The following KLRD1 variants were observed in gnomAD, a reference collection of about 807,000 sequenced individuals.
The protein encoded by KLRD1 is natural killer cells antigen CD94.
KLRD1 carries 21 observed loss-of-function variants against 22.6 expected under a neutral mutation model. That is an observed-to-expected ratio of 0.93 (90% CI 0.66 to 1.34). KLRD1 has a LOEUF of 1.34. Among genes scored for constraint, KLRD1 ranks in the 40% most tolerant of loss-of-function variants. The pLI is 0.00. For synonymous variants in KLRD1, 59 were observed against 71.1 expected (o/e 0.83, Z 0.85); for missense variants, 183 against 208.6 (o/e 0.88, Z 0.76).
intron 1 of KLRD1, among the ~76,000 whole-genome samples, chr12:10,246,959 G>A (rs1267276035): frequency 7.4e-6 from 1 of 134,600 alleles, no homozygotes; most frequent in East Asian, 2.4e-4. Context: ...TTGAGATAGA[G>A]TCTTGCTCTG....
At chr12:10,294,060 G>A (rs949238269) in intron 1 of KLRD1, among the ~76,000 whole-genome samples, 9 of 152,306 alleles carry the variant, frequency 5.9e-5, no homozygotes, top group African/African-American at 2.2e-4. Context: ...GTACATCAAA[G>A]ATGGTAAATT....
In KLRD1 at chr12:10,320,799, C is replaced by T. The variant is rs1950305204; in HGVS notation, c.*6006C>T. 1 of 152,116 alleles carries T rather than the reference C, an allele frequency of 6.6e-6. No homozygotes were observed. The highest frequency in any genetic ancestry group is 2.4e-5 in the African/African-American group (1 of 41,434). 9.4% of individuals were successfully genotyped at this position (152,116 alleles called of 1,614,324 possible). A position where few individuals can be genotyped will look rare whatever the true frequency, so the allele number is the denominator to read the frequency against. On this transcript the variant is annotated 3_prime_UTR_variant, in exon 6 of 6. Coordinates refer to ENST00000336164, the MANE Select transcript of KLRD1 (RefSeq NM_002262.5). The stretch of plus-strand genomic sequence containing the variant: ...ATCATAGAAAGAACACAAGTAGTGC[C>T]TCAATTCAGTCAGATGAAGATCTAT...
intron 1 of KLRD1, among the ~76,000 whole-genome samples, chr12:10,271,302 A>G (rs551953710): frequency 3.7e-4 from 57 of 152,276 alleles, no homozygotes; most frequent in African/African-American, 1.3e-3. Flanking sequence ...TTCGAAATTA[A>G]AATATCAAAA....
At chr12:10,257,453 C>G (rs1467107401) in intron 1 of KLRD1, among the ~76,000 whole-genome samples, 1 of 136,638 alleles carries the variant, frequency 7.3e-6, no homozygotes, top group African/African-American at 2.9e-5. Flanking sequence ...TCAGTAATTT[C>G]AAATGGTTTA....
At chr12:10,247,210 T>C (rs1356707456) in intron 1 of KLRD1, among the ~76,000 whole-genome samples, 4 of 152,178 alleles carry the variant, frequency 2.6e-5, no homozygotes, top group African/African-American at 9.7e-5. Flanking sequence ...TCCATGATGC[T>C]GAATTCTCCA....
At chr12:10,262,334 A>G (rs925317479) in intron 1 of KLRD1, among the ~76,000 whole-genome samples, 1 of 152,098 alleles carries the variant, frequency 6.6e-6, no homozygotes, top group Admixed American at 6.5e-5. Context: ...AGGAAGACCA[A>G]TTACCTTGAC....
Position 10,323,864 on chromosome 12 carries a change from C to CTTTTTTTTTTTTTTTTTTTTCTTTTTTT in KLRD1, c.*9086_*9087insTTTTTCTTTTTTTTTTTTTTTTTTTTTT, listed in dbSNP as rs3983613. 1.9e-5 allele frequency: 2 copies of CTTTTTTTTTTTTTTTTTTTTCTTTTTTT among 106,324 alleles called. No individual in the cohort carries two copies. Among genetic ancestry groups the CTTTTTTTTTTTTTTTTTTTTCTTTTTTT allele is most frequent in the East Asian group, 2.9e-4 (1 of 3,426 alleles). The allele number at this position is 106,324 out of a possible 1,614,324, so 6.6% of individuals were successfully genotyped here. A position where few individuals can be genotyped will look rare whatever the true frequency, so the allele number is the denominator to read the frequency against. ...TTCCCTTTTATTTCTTATTTCTTTCCTTTTTTTTTTTTTTTGAGACTGAGT... is the reference window on the plus strand; with the variant it reads ...TTCCCTTTTATTTCTTATTTCTTTCCTTTTTTTTTTTTTTTTTTTTCTTTTTTTTTTTTTTTTTTTTTTGAGACTGAGT... On this transcript the variant is annotated 3_prime_UTR_variant, in exon 6 of 6. Coordinates refer to ENST00000336164, the MANE Select transcript of KLRD1 (RefSeq NM_002262.5).
At chr12:10,243,735 G>A (rs954889142) in intron 1 of KLRD1, among the ~76,000 whole-genome samples, 8 of 150,888 alleles carry the variant, frequency 5.3e-5, no homozygotes, top group East Asian at 2.0e-4. Flanking sequence ...ATGAGCCATC[G>A]AACTAGGATA....
intron 1 of KLRD1, among the ~76,000 whole-genome samples, chr12:10,262,110 G>A (rs920288050): frequency 2.6e-5 from 4 of 152,008 alleles, no homozygotes; most frequent in Non-Finnish European, 4.4e-5. Context: ...TTTATAAAAT[G>A]TTGAGTTTAG....
chr12:10,282,864 T>C (rs978286182), intron 1 of KLRD1, among the ~76,000 whole-genome samples: 6 of 152,074 alleles, frequency 3.9e-5, no homozygotes, highest in African/African-American at 1.2e-4. Context: ...TAAGACTGAA[T>C]GGTTTGTTTG....
At chr12:10,302,241 A>T (rs182988313), upstream of KLRD1, among the ~76,000 whole-genome samples, 1 of 152,342 alleles carries the variant, frequency 6.6e-6, no homozygotes, top group African/African-American at 2.4e-5. Context: ...TTTGTAAAAA[A>T]TGCAATTTCT....
intron 1 of KLRD1, among the ~76,000 whole-genome samples, chr12:10,243,380 A>G (rs4764343): frequency 0.99 from 149,619 of 151,636 alleles, 73,860 homozygotes; most frequent in Non-Finnish European, 1. Flanking sequence ...TTGGGAGGCC[A>G]AGGCAGGTGG....
In KLRD1 at chr12:10,308,057, G is replaced by T. The variant is rs755576015; in HGVS notation, c.-21G>T. 2 of 1,609,776 alleles carry T rather than the reference G, an allele frequency of 1.2e-6. No individual in the cohort carries two copies. The highest frequency in any genetic ancestry group is 2.2e-5 in the East Asian group (1 of 44,822). ...GTACACATCGTGCCTTCTCTACTTC[G>T]CTCTTGGAACATAATTTCTCATGGC... is the stretch of plus-strand genomic sequence containing the variant. On this transcript the variant is annotated 5_prime_UTR_variant, in exon 1 of 6. Coordinates refer to ENST00000336164, the MANE Select transcript of KLRD1 (RefSeq NM_002262.5).
intron 5 of KLRD1, among the ~76,000 whole-genome samples, chr12:10,313,788 G>A (rs1459580966): frequency 2.0e-5 from 3 of 152,210 alleles, no homozygotes; most frequent in Admixed American, 2.0e-4. Context: ...ACCATTACAT[G>A]CTTGCCTGTA....
At chr12:10,286,661 G>GTTTTT (rs1565459881) in intron 1 of KLRD1, among the ~76,000 whole-genome samples, 5 of 49,316 alleles carry the variant, frequency 1.0e-4, no homozygotes, top group Admixed American at 2.6e-4. Context: ...CGCTTATGGT[G>GTTTTT]CTTTTTTTTT....
At chr12:10,268,373 G>A (rs1949519067) in intron 1 of KLRD1, among the ~76,000 whole-genome samples, 1 of 152,160 alleles carries the variant, frequency 6.6e-6, no homozygotes, top group Non-Finnish European at 1.5e-5. Context: ...CCAGGGCTGG[G>A]AATATAAAGT....
chr12:10,244,915 G>T (rs1454284733), intron 1 of KLRD1, among the ~76,000 whole-genome samples: 2 of 152,088 alleles, frequency 1.3e-5, no homozygotes, highest in East Asian at 3.8e-4. Context: ...TATATTGATG[G>T]TTAATATTTA....
intron 1 of KLRD1, among the ~76,000 whole-genome samples, chr12:10,291,020 A>C (rs1949764947): frequency 6.6e-6 from 1 of 152,234 alleles, no homozygotes; most frequent in South Asian, 2.1e-4. Context: ...AAAAGCAATT[A>C]TTGCAATAAA....
rs1291830230 is a variant in KLRD1, at chr12:10,317,398, G to C, written c.*2605G>C. ...GAGAAAGCAGATAAGCTATGAGTCT[G>C]CCTTTCTTCATGGTCCAGGATATGG... is the stretch of plus-strand genomic sequence containing the variant. On this transcript the variant is annotated 3_prime_UTR_variant, in exon 6 of 6. Transcript: ENST00000336164. The C allele has an allele frequency of 1.3e-5, 2 of 152,206 alleles. No individual in the cohort carries two copies. The highest frequency in any genetic ancestry group is 2.9e-5 in the Non-Finnish European group (2 of 68,046). The allele number at this position is 152,206 out of a possible 1,614,324, so 9.4% of individuals were successfully genotyped here. A position where few individuals can be genotyped will look rare whatever the true frequency, so the allele number is the denominator to read the frequency against.
Sources: gnomAD v4.1 joint callset for allele counts (sites outside exome capture counted in the v4.1 genomes callset) on GRCh38, gnomAD v4.1.1 for gene constraint, MANE v1.5 for transcripts, NCBI Gene and HGNC (gene_info 2026-07-23, HGNC 2026-07-21) for gene names.